Variants in FAM135A observed in about 807,000 individuals in gnomAD.
FAM135A encodes family with sequence similarity 135 member A, also known as protein FAM135A.
In FAM135A, 79 loss-of-function variants were observed where a neutral mutation model predicts 146.8. The ratio of observed to expected loss-of-function variants is 0.54; its 90% CI spans 0.45 to 0.65. The LOEUF (loss-of-function observed/expected upper bound fraction) is 0.65. Ranked by LOEUF, FAM135A falls within the 30% of genes least tolerant of loss-of-function variation. FAM135A has a pLI of 0.00. For synonymous variants in FAM135A, 562 were observed against 603.6 expected (o/e 0.93, Z 1.01); for missense variants, 1,623 against 1,758.2 (o/e 0.92, Z 1.38).
At chr6:70,492,048 A>G (rs1014489089) in intron 11 of FAM135A, among the ~76,000 whole-genome samples, 3 of 151,924 alleles carry the variant, frequency 2.0e-5, no homozygotes, top group African/African-American at 7.2e-5. Context: ...CAAGAAATGT[A>G]AAGATGGCTA....
At chr6:70,557,694 C>CAAAAAAAAAAAAAA (rs1177559650) in intron 21 of FAM135A, 2 of 58,138 alleles carry the variant, frequency 3.4e-5, no homozygotes, top group Non-Finnish European at 3.1e-5. Flanking sequence ...AACTCTGTCT[C>CAAAAAAAAAAAAAA]AAAAAAAAAA....
chr6:70,417,673 A>C (rs527513389), intron 2 of FAM135A: 1 of 963,516 alleles, frequency 1.0e-6, no homozygotes, highest in East Asian at 1.1e-4. Context: ...AGTGTTAACT[A>C]TGACACTTGC....
At chr6:70,488,978 T>C (rs1200324330) in intron 10 of FAM135A, among the ~76,000 whole-genome samples, 1 of 152,212 alleles carries the variant, frequency 6.6e-6, no homozygotes, top group Non-Finnish European at 1.5e-5. Context: ...AGTTAAATTA[T>C]GCTTTTAAAC....
intron 4 of FAM135A, among the ~76,000 whole-genome samples, chr6:70,447,884 T>C (rs1776157676): frequency 6.6e-6 from 1 of 152,200 alleles, no homozygotes; most frequent in African/African-American, 2.4e-5. Flanking sequence ...ATCCACTCAG[T>C]ACTGCTGTTG....
chr6:70,494,914 TAC>T (rs1345882651), intron 11 of FAM135A, among the ~76,000 whole-genome samples: 2 of 152,214 alleles, frequency 1.3e-5, no homozygotes, highest in African/African-American at 2.4e-5. Context: ...TCATATCTTA[TAC>T]AGTGCTATTT....
At chr6:70,516,538 T>C (rs1290378883) in intron 12 of FAM135A, among the ~76,000 whole-genome samples, 4 of 138,350 alleles carry the variant, frequency 2.9e-5, no homozygotes, top group African/African-American at 5.4e-5. Context: ...TTCTTTTTTT[T>C]TTTTTTTTTT....
At chr6:70,523,306 A>G (rs934721697) in intron 13 of FAM135A, among the ~76,000 whole-genome samples, 7 of 152,168 alleles carry the variant, frequency 4.6e-5, no homozygotes, top group Non-Finnish European at 8.8e-5. Flanking sequence ...TTTAATGCAT[A>G]TAAATTATAC....
chr6:70,480,370 G>A (rs1783474381), intron 8 of FAM135A, among the ~76,000 whole-genome samples: 1 of 152,052 alleles, frequency 6.6e-6, no homozygotes, highest in Admixed American at 6.6e-5. Context: ...CTAGGGACTT[G>A]AATAATAAAA....
At chr6:70,433,339 G>T (rs1772154092) in intron 4 of FAM135A, among the ~76,000 whole-genome samples, 1 of 152,054 alleles carries the variant, frequency 6.6e-6, no homozygotes, top group South Asian at 2.1e-4. Flanking sequence ...GTCCCAAAGT[G>T]CTGGGATTAC....
chr6:70,517,436 T>C (rs1011826020), intron 12 of FAM135A, among the ~76,000 whole-genome samples: 1 of 147,710 alleles, frequency 6.8e-6, no homozygotes, highest in Non-Finnish European at 1.5e-5. Flanking sequence ...TTTTTTTTTT[T>C]AGATGGAGTT....
chr6:70,470,738 C>A (rs1484685485), intron 5 of FAM135A, among the ~76,000 whole-genome samples: 1 of 152,184 alleles, frequency 6.6e-6, no homozygotes, highest in Non-Finnish European at 1.5e-5. Context: ...GGAAGAGAAT[C>A]ATTGGAGGCC....
intron 20 of FAM135A, among the ~76,000 whole-genome samples, chr6:70,543,702 G>A (rs1171442562): frequency 4.6e-5 from 7 of 152,182 alleles, no homozygotes; most frequent in South Asian, 4.1e-4. Flanking sequence ...TAGGAAATAC[G>A]TGAAAGGCAA....
intron 10 of FAM135A, 21 bp downstream of exon 10, chr6:70,482,175 C>G (rs760899836): frequency 9.9e-6 from 16 of 1,610,840 alleles, no homozygotes; most frequent in African/African-American, 1.3e-5. Flanking sequence ...AGTAGCGAGA[C>G]TTATTCTACA....
chr6:70,522,075 C>T (rs1463860877), intron 12 of FAM135A, among the ~76,000 whole-genome samples: 1 of 152,116 alleles, frequency 6.6e-6, no homozygotes, highest in Non-Finnish European at 1.5e-5. Context: ...TGCCACCATG[C>T]CCCACTAATT....
intron 5 of FAM135A, among the ~76,000 whole-genome samples, chr6:70,452,903 G>T (rs577356314): frequency 6.6e-6 from 1 of 152,182 alleles, no homozygotes; most frequent in African/African-American, 2.4e-5. Context: ...GGTTATAAAG[G>T]TGTTTTATGA....
chr6:70,538,603 G>A lies in FAM135A; in HGVS notation c.4228+202G>A, dbSNP rs139285900. Among the ~76,000 whole-genome samples the A allele has an allele frequency of 5.6e-3, 853 of 151,928 alleles. 3 individuals are homozygous for A. The highest frequency in any genetic ancestry group is 8.2e-3 in the Non-Finnish European group (557 of 67,944). ...TTTCTTTAGTCTTTTTCACATGACT[G>A]TATTTCTCTTTTGTGAGCTACACAG... On this transcript the variant is annotated intron_variant, in intron 20 of 21. Coordinates refer to ENST00000418814, the MANE Select transcript of FAM135A (RefSeq NM_001162529.3).
At position 70,528,419 on chromosome 6, in the gene FAM135A, G is replaced by A; in HGVS notation, c.3742G>A (p.Val1248Ile). The change falls in exon 16 of 22, where the codon GTA becomes ATA. Residue 1248 changes from valine to isoleucine, a missense_variant. By Grantham distance (29) the Val-to-Ile change is conservative. Coordinates refer to ENST00000418814, the MANE Select transcript of FAM135A (RefSeq NM_001162529.3). Reference sequence around the variant, plus strand: ...AGAAGAGGATGGTTCTGAAGATGGAGTACATCTGATTGTCTGTGTGCACGG... The same window carrying A: ...AGAAGAGGATGGTTCTGAAGATGGAATACATCTGATTGTCTGTGTGCACGG... ...VEEEDGSEDGVHLIVCVHGLD... is the reference protein window; with the variant it reads ...VEEEDGSEDGIHLIVCVHGLD... 1 of 1,611,876 alleles carries A rather than the reference G, an allele frequency of 6.2e-7. No homozygotes were observed. Among genetic ancestry groups the A allele is most frequent in the African/African-American group, 1.3e-5 (1 of 74,984 alleles).
intron 5 of FAM135A, among the ~76,000 whole-genome samples, chr6:70,461,826 G>A (rs1484349631): frequency 6.6e-6 from 1 of 152,134 alleles, no homozygotes; most frequent in South Asian, 2.1e-4. Flanking sequence ...TAGCTATTTG[G>A]TCTTAAGCAA....
At chr6:70,497,460 C>A (rs1382356906) in intron 11 of FAM135A, among the ~76,000 whole-genome samples, 1 of 152,152 alleles carries the variant, frequency 6.6e-6, no homozygotes, top group Non-Finnish European at 1.5e-5. Context: ...AGTTTGACTT[C>A]CTCTCTTCCT....
Sources: allele counts gnomAD v4.1 joint callset (sites outside exome capture counted in the v4.1 genomes callset), GRCh38; gene constraint gnomAD v4.1.1; transcripts MANE v1.5; gene names NCBI Gene and HGNC (gene_info 2026-07-23, HGNC 2026-07-21).